Variants in ADAMTS12 observed in about 807,000 individuals in gnomAD.
ADAMTS12 encodes ADAM metallopeptidase with thrombospondin type 1 motif 12, also known as A disintegrin and metalloproteinase with thrombospondin motifs 12.
A neutral mutation model predicts 167.8 loss-of-function variants in ADAMTS12; 118 were observed. The ratio of observed to expected loss-of-function variants is 0.70; its 90% CI spans 0.61 to 0.82. ADAMTS12 has a LOEUF of 0.82. Ranked by LOEUF, ADAMTS12 falls within the 40% of genes least tolerant of loss-of-function variation. ADAMTS12 has a pLI of 0.00. For missense variants in ADAMTS12, 1,916 were observed against 1,998.8 expected (o/e 0.96, Z 0.79); for synonymous variants, 704 against 716.9 (o/e 0.98, Z 0.29).
At chr5:33,768,555 T>C (rs1745628194) in intron 2 of ADAMTS12, among the ~76,000 whole-genome samples, 1 of 152,226 alleles carries the variant, frequency 6.6e-6, no homozygotes, top group Non-Finnish European at 1.5e-5. Flanking sequence ...TATGGAAATA[T>C]AATATGTAAT....
chr5:33,744,880 T>C (rs567320559), intron 3 of ADAMTS12, among the ~76,000 whole-genome samples: 1 of 152,326 alleles, frequency 6.6e-6, no homozygotes, highest in South Asian at 2.1e-4. Flanking sequence ...AGCAGCATGA[T>C]TATAGCTCAC....
At chr5:33,596,835 A>T (rs1737908842) in intron 16 of ADAMTS12, among the ~76,000 whole-genome samples, 1 of 152,196 alleles carries the variant, frequency 6.6e-6, no homozygotes, top group Non-Finnish European at 1.5e-5. Flanking sequence ...ATACAATTTA[A>T]AATAATGTTG....
At chr5:33,678,865 C>A (rs1003905547) in intron 5 of ADAMTS12, among the ~76,000 whole-genome samples, 1 of 152,070 alleles carries the variant, frequency 6.6e-6, no homozygotes, top group African/African-American at 2.4e-5. Context: ...AAAGTATATA[C>A]CAGTATAGTC....
intron 2 of ADAMTS12, among the ~76,000 whole-genome samples, chr5:33,857,667 G>T (rs187207434): frequency 7.6e-4 from 89 of 117,456 alleles, no homozygotes; most frequent in African/African-American, 3.8e-3. Context: ...TATGTTCCTT[G>T]AGAAACACAC....
intron 18 of ADAMTS12, among the ~76,000 whole-genome samples, chr5:33,582,223 T>C (rs1747099990): frequency 6.6e-6 from 1 of 152,150 alleles, no homozygotes; most frequent in Non-Finnish European, 1.5e-5. Context: ...TGAGTAGTTG[T>C]TGCAAACAGA....
At chr5:33,772,436 G>A (rs747971712) in intron 2 of ADAMTS12, among the ~76,000 whole-genome samples, 1 of 151,960 alleles carries the variant, frequency 6.6e-6, no homozygotes, top group Non-Finnish European at 1.5e-5. Context: ...AGTGTGAGAT[G>A]AAACTAATTT....
chr5:33,864,134 C>A (rs2111705860), intron 2 of ADAMTS12, among the ~76,000 whole-genome samples: 1 of 152,148 alleles, frequency 6.6e-6, no homozygotes, highest in East Asian at 1.9e-4. Context: ...CCACTCAGGA[C>A]AAATTTACAA....
At chr5:33,871,624 A>T (rs1309524221) in intron 2 of ADAMTS12, among the ~76,000 whole-genome samples, 2 of 152,170 alleles carry the variant, frequency 1.3e-5, no homozygotes, top group Non-Finnish European at 2.9e-5. Flanking sequence ...GAGAAAAAAA[A>T]CTAGTAAAAA....
rs1747907424 is a variant in ADAMTS12 at position 33,596,004 on chromosome 5, T to A, written c.2584A>T (p.Thr862Ser). 1.2e-6 allele frequency: 2 copies of A among 1,614,138 alleles called. No homozygotes were observed. The highest frequency in any genetic ancestry group is 1.1e-5 in the South Asian group (1 of 91,074). ...IKKGRGMVKA[T>S]FCDPETQPNG... ...GGCTGTGTTTCTGGGTCACAGAATG[T>A]AGCTTTCACCATCCCGCGGCCCTTC... is the stretch of plus-strand genomic sequence containing the variant. Residue 862 changes from threonine (T) to serine (S), a missense_variant, in exon 17 of 24, where the codon ACA (threonine) becomes TCA (serine). Physicochemically the swap from Thr to Ser is moderately conservative, Grantham distance 58. Coordinates refer to ENST00000504830, the MANE Select transcript of ADAMTS12 (RefSeq NM_030955.4).
At chr5:33,626,453 G>A (rs942788223) in intron 13 of ADAMTS12, among the ~76,000 whole-genome samples, 2 of 150,702 alleles carry the variant, frequency 1.3e-5, no homozygotes, top group African/African-American at 4.9e-5. Flanking sequence ...TGATTTGATG[G>A]TAATAATGGT....
intron 20 of ADAMTS12, among the ~76,000 whole-genome samples, chr5:33,549,795 G>A (rs456669): frequency 0.23 from 35,502 of 152,230 alleles, 4,680 homozygotes; most frequent in East Asian, 0.57. Flanking sequence ...AGGCAGAGTG[G>A]CCTGCCTATC....
At chr5:33,750,455 C>T (rs1216589881) in intron 3 of ADAMTS12, among the ~76,000 whole-genome samples, 2 of 152,164 alleles carry the variant, frequency 1.3e-5, no homozygotes, top group African/African-American at 4.8e-5. Flanking sequence ...TTGCAAAGCT[C>T]CAGTTCTGAG....
At chr5:33,708,822 G>A (rs1261009236) in intron 3 of ADAMTS12, among the ~76,000 whole-genome samples, 1 of 152,050 alleles carries the variant, frequency 6.6e-6, no homozygotes, top group Non-Finnish European at 1.5e-5. Context: ...AAGAGGGATA[G>A]CATTAGGAGA....
At chr5:33,674,864 A>C (rs1741844767) in intron 5 of ADAMTS12, among the ~76,000 whole-genome samples, 1 of 152,050 alleles carries the variant, frequency 6.6e-6, no homozygotes, top group Non-Finnish European at 1.5e-5. Flanking sequence ...CCCCTCAAAA[A>C]CTCATGTTGA....
intron 3 of ADAMTS12, among the ~76,000 whole-genome samples, chr5:33,700,045 C>T (rs1294051338): frequency 1.3e-5 from 2 of 152,074 alleles, no homozygotes; most frequent in Admixed American, 6.6e-5. Context: ...AGTGACAACA[C>T]CAAATGCTGT....
intron 7 of ADAMTS12, among the ~76,000 whole-genome samples, chr5:33,650,728 C>G (rs1439420702): frequency 6.6e-6 from 1 of 152,162 alleles, no homozygotes; most frequent in Non-Finnish European, 1.5e-5. Flanking sequence ...AATTCAGAAG[C>G]CTTTGTTTAT....
At chr5:33,771,541 C>A (rs944570363) in intron 2 of ADAMTS12, among the ~76,000 whole-genome samples, 3 of 151,938 alleles carry the variant, frequency 2.0e-5, no homozygotes, top group Non-Finnish European at 4.4e-5. Flanking sequence ...TTATTAGTTT[C>A]TTTTATTAAA....
intron 4 of ADAMTS12, among the ~76,000 whole-genome samples, chr5:33,683,556 G>A (rs1742211217): frequency 6.6e-6 from 1 of 151,952 alleles, no homozygotes; most frequent in Non-Finnish European, 1.5e-5. Flanking sequence ...TACTCCTTCG[G>A]TTTACTAACA....
At position 33,851,429 on chromosome 5, in the gene ADAMTS12, T is replaced by G. The variant is rs180898874; in HGVS notation, c.489+29690A>C. Among the ~76,000 whole-genome samples the G allele has an allele frequency of 3.6e-3, 545 of 152,026 alleles. 6 individuals are homozygous for G. Among genetic ancestry groups the G allele is most frequent in the African/African-American group, 0.013 (526 of 41,472 alleles). On this transcript the variant is annotated intron_variant, in intron 2 of 23. Transcript: ENST00000504830. The stretch of plus-strand genomic sequence containing the variant: ...TCCATCTCAAAAAAATAAAATAAAA[T>G]AAAAGGAAAGAGGAGTCTATTTGTC...
Sources: allele counts gnomAD v4.1 joint callset (sites outside exome capture counted in the v4.1 genomes callset), GRCh38; gene constraint gnomAD v4.1.1; transcripts MANE v1.5; gene names NCBI Gene and HGNC (gene_info 2026-07-23, HGNC 2026-07-21).